Variants in TRAPPC10 observed in about 807,000 individuals in gnomAD.
TRAPPC10 encodes TRAPP 130 kDa subunit.
Under a neutral mutation model 125.5 loss-of-function variants are expected in TRAPPC10, and 23 were observed. That is an observed-to-expected ratio of 0.18 (90% confidence interval 0.13 to 0.26). The LOEUF (loss-of-function observed/expected upper bound fraction) is 0.26, where lower values mean the gene tolerates loss of function less well. TRAPPC10 is among the 10% of genes least tolerant of loss of function. The pLI is 1.00. For missense variants in TRAPPC10, 1,123 were observed against 1,308.4 expected (o/e 0.86, Z 2.19); for synonymous variants, 509 against 518.0 (o/e 0.98, Z 0.24).
chr21:44,077,032 C>T (rs979345399), intron 10 of TRAPPC10, among the ~76,000 whole-genome samples: 12 of 152,078 alleles, frequency 7.9e-5, no homozygotes, highest in Non-Finnish European at 1.8e-4. Context: ...GGTGGGTCAG[C>T]GTCATTCCCG....
At position 44,087,398 on chromosome 21, in the gene TRAPPC10, C is replaced by T. The variant is rs1233520691; in HGVS notation, c.2540-301C>T. On this transcript the variant is annotated intron_variant, in intron 16 of 22. Coordinates refer to ENST00000291574, the MANE Select transcript of TRAPPC10 (RefSeq NM_003274.5). The surrounding 1 kb of genome is among the most constrained non-coding windows in gnomAD (Gnocchi z 4.6). ...CTCCCCTGGGGTGGGGGTGGATCTGCGGATGAGCTGGAACGGGAGAAAGTC... is the reference window on the plus strand; with the variant it reads ...CTCCCCTGGGGTGGGGGTGGATCTGTGGATGAGCTGGAACGGGAGAAAGTC... 2.6e-5 allele frequency among the ~76,000 whole-genome samples: 4 copies of T among 152,244 alleles called. No homozygotes were observed. Among genetic ancestry groups the T allele is most frequent in the South Asian group, 2.1e-4 (1 of 4,826 alleles).
intron 2 of TRAPPC10, among the ~76,000 whole-genome samples, chr21:44,036,086 C>CTA (rs1166811400): frequency 2.0e-5 from 3 of 152,040 alleles, no homozygotes; most frequent in Non-Finnish European, 4.4e-5. Context: ...GGACAGGTGA[C>CTA]ATTTGAAGAA....
intron 1 of TRAPPC10, among the ~76,000 whole-genome samples, chr21:44,014,593 G>GC (rs1555921227): frequency 7.3e-6 from 1 of 136,768 alleles, no homozygotes; most frequent in East Asian, 2.1e-4. Context: ...GTTTGTTTTT[G>GC]TTTTTTTTTT....
At chr21:44,080,949 G>A (rs1386758062) in intron 13 of TRAPPC10, among the ~76,000 whole-genome samples, 1 of 149,094 alleles carries the variant, frequency 6.7e-6, no homozygotes, top group Non-Finnish European at 1.5e-5. Context: ...TAATTCAATG[G>A]CTTTTAGTCT....
intron 11 of TRAPPC10, among the ~76,000 whole-genome samples, chr21:44,078,109 T>C (rs1187775728): frequency 6.6e-6 from 1 of 152,172 alleles, no homozygotes; most frequent in Non-Finnish European, 1.5e-5. Flanking sequence ...ACATATTTTG[T>C]TATATAGCAT....
At chr21:44,079,439 C>T in intron 11 of TRAPPC10, 125 bp from the exon 12 acceptor site, 1 of 1,092,926 alleles carries the variant, frequency 9.1e-7, no homozygotes, top group East Asian at 2.7e-5. Context: ...AAAGGGCTAT[C>T]TAGAGATGTT....
intron 3 of TRAPPC10, chr21:44,046,472 GC>G: frequency 3.8e-6 from 1 of 264,016 alleles, no homozygotes; most frequent in Admixed American, 4.5e-5. Context: ...ATAGCAAGTT[GC>G]AAGTGACAAG....
At chr21:44,049,716 C>T (rs1369564172) in intron 3 of TRAPPC10, among the ~76,000 whole-genome samples, 1 of 152,200 alleles carries the variant, frequency 6.6e-6, no homozygotes, top group African/African-American at 2.4e-5. Flanking sequence ...CCTGGGGCGG[C>T]CTGCTGTGCT....
intron 1 of TRAPPC10, among the ~76,000 whole-genome samples, chr21:44,016,781 T>C (rs999172488): frequency 6.6e-5 from 10 of 152,100 alleles, no homozygotes; most frequent in African/African-American, 1.7e-4. Context: ...GCCTCAGCCT[T>C]CCGAGTAGCT....
At chr21:44,064,302 TATGTGTGTGTGTGTG>T (rs1178789712) in intron 7 of TRAPPC10, among the ~76,000 whole-genome samples, 1 of 128,310 alleles carries the variant, frequency 7.8e-6, no homozygotes, top group African/African-American at 3.8e-5. Flanking sequence ...ATGTCATAAA[TATGTGTGTGTGTGTG>T]TGTGTGTGTG....
At chr21:44,046,956 C>T (rs1459360013) in intron 3 of TRAPPC10, 2 of 837,086 alleles carry the variant, frequency 2.4e-6, no homozygotes, top group Non-Finnish European at 4.1e-6. Flanking sequence ...ATATGGCCCA[C>T]TGGGAACTGC....
chr21:44,061,019 C>T (rs1227597078), intron 6 of TRAPPC10, among the ~76,000 whole-genome samples: 1 of 151,894 alleles, frequency 6.6e-6, no homozygotes. Context: ...CTCACTGCAA[C>T]CTTCTCCTCC....
In TRAPPC10 at chr21:44,059,353, A is replaced by G. The variant is rs2035865168; in HGVS notation, c.790+139A>G. 2 of 691,128 alleles carry G rather than the reference A, an allele frequency of 2.9e-6. No homozygotes were observed. Among genetic ancestry groups the G allele is most frequent in the Non-Finnish European group, 5.2e-6 (2 of 382,442 alleles). 42.8% of individuals were successfully genotyped at this position (691,128 alleles called of 1,614,324 possible). On this transcript the variant is annotated intron_variant, in intron 6 of 22. Transcript: ENST00000291574. This position sits in a 1 kb window ranked among gnomAD's most constrained non-coding sequence, Gnocchi z 4.4. ...TCTTTATACACATTATATCGGATAT[A>G]TTCTCGTGATTCCTAGAGGAAATGA...
chr21:44,087,160 G>A lies in TRAPPC10; in HGVS notation c.2539+200G>A, dbSNP rs1416621384. ...GTGATAAACTGAGAGTGGTTCACACGCTGAGTGGCCGAGCAGTGCTTGTCT... is the reference window on the plus strand; with the variant it reads ...GTGATAAACTGAGAGTGGTTCACACACTGAGTGGCCGAGCAGTGCTTGTCT... On this transcript the variant is annotated intron_variant, in intron 16 of 22. Transcript: ENST00000291574. This position sits in a 1 kb window ranked among gnomAD's most constrained non-coding sequence, Gnocchi z 4.6. Among the ~76,000 whole-genome samples the A allele has an allele frequency of 6.6e-6, 1 of 152,226 alleles. No individual in the cohort carries two copies. The highest frequency in any genetic ancestry group is 1.5e-5 in the Non-Finnish European group (1 of 68,032).
chr21:44,018,647 C>T (rs940043642), intron 1 of TRAPPC10, among the ~76,000 whole-genome samples: 6 of 149,760 alleles, frequency 4.0e-5, no homozygotes, highest in East Asian at 2.0e-4. Context: ...TGCAGTGAGC[C>T]GAGATCATGC....
At chr21:44,068,794 G>A (rs989826524) in intron 7 of TRAPPC10, among the ~76,000 whole-genome samples, 1 of 151,940 alleles carries the variant, frequency 6.6e-6, no homozygotes, top group South Asian at 2.1e-4. Flanking sequence ...CAGAGATGGG[G>A]TTTCACTATG....
chr21:44,088,059 T>C, intron 17 of TRAPPC10, 131 bp downstream of exon 17: 1 of 782,666 alleles, frequency 1.3e-6, no homozygotes, highest in South Asian at 1.7e-5. Context: ...GGCATGTGTT[T>C]AGCAGTTCTG....
chr21:44,049,888 T>A (rs1242589394), intron 3 of TRAPPC10, among the ~76,000 whole-genome samples: 1 of 150,084 alleles, frequency 6.7e-6, no homozygotes, highest in African/African-American at 2.5e-5. Flanking sequence ...CTTTTTTTTT[T>A]GTTTTTTTTG....
intron 19 of TRAPPC10, among the ~76,000 whole-genome samples, chr21:44,093,509 G>A (rs189209720): frequency 1.6e-4 from 24 of 150,956 alleles, no homozygotes; most frequent in African/African-American, 5.1e-4. Context: ...TGTAATCCCA[G>A]CACTTTGGGA....
Sources: allele counts gnomAD v4.1 joint callset (sites outside exome capture counted in the v4.1 genomes callset), GRCh38; gene constraint gnomAD v4.1.1; non-coding constraint Gnocchi (gnomAD v3.1); transcripts MANE v1.5; gene names NCBI Gene and HGNC (gene_info 2026-07-23, HGNC 2026-07-21).